Variants in DAB1 observed in about 807,000 individuals in gnomAD.
DAB1 encodes the protein DAB adaptor protein 1.
In DAB1, 15 loss-of-function variants were observed where a neutral mutation model predicts 64.6. The observed-to-expected ratio is 0.23, with a 90% confidence interval of 0.16 to 0.36. DAB1 has a LOEUF of 0.36. DAB1 is among the 10% of genes least tolerant of loss of function. The pLI is 1.00. For missense variants in DAB1, 596 were observed against 706.7 expected (o/e 0.84, Z 1.78); for synonymous variants, 235 against 251.9 (o/e 0.93, Z 0.64).
At chr1:57,159,151 G>A (rs1660505570) in intron 2 of DAB1, among the ~76,000 whole-genome samples, 5 of 151,952 alleles carry the variant, frequency 3.3e-5, no homozygotes, top group Non-Finnish European at 7.4e-5. Flanking sequence ...CTCTGGCAAA[G>A]GTCTACTAGT....
At chr1:57,143,120 C>T (rs1570770518) in intron 3 of DAB1, among the ~76,000 whole-genome samples, 1 of 152,162 alleles carries the variant, frequency 6.6e-6, no homozygotes, top group African/African-American at 2.4e-5. Flanking sequence ...AATTTGCCTG[C>T]TGAAAGACAG....
At chr1:58,431,367 G>A (rs929764769) in intron 3 of DAB1, among the ~76,000 whole-genome samples, 1 of 152,014 alleles carries the variant, frequency 6.6e-6, no homozygotes, top group African/African-American at 2.4e-5. Context: ...AGACCATCCT[G>A]GCCAACATGG....
intron 1 of DAB1, among the ~76,000 whole-genome samples, chr1:57,395,201 T>C (rs1558303947): frequency 6.6e-6 from 1 of 152,112 alleles, no homozygotes; most frequent in Non-Finnish European, 1.5e-5. Context: ...ATTTTTTGTA[T>C]TTTTAGTAGA....
At chr1:57,548,060 C>T (rs982021550) in intron 7 of DAB1, among the ~76,000 whole-genome samples, 1 of 152,090 alleles carries the variant, frequency 6.6e-6, no homozygotes, top group Non-Finnish European at 1.5e-5. Context: ...TATATCATTG[C>T]CTATTATCTG....
chr1:58,119,055 CAGT>C (rs1364913966), intron 5 of DAB1, among the ~76,000 whole-genome samples: 2 of 152,106 alleles, frequency 1.3e-5, no homozygotes, highest in African/African-American at 4.8e-5. Flanking sequence ...TACACTTGTG[CAGT>C]AGATGTTTGC....
At chr1:57,885,382 C>T (rs758469826), upstream of DAB1, among the ~76,000 whole-genome samples, 14 of 152,280 alleles carry the variant, frequency 9.2e-5, no homozygotes, top group Non-Finnish European at 7.4e-5. Context: ...CCTGCAGTCC[C>T]TCGAAGTCCA....
intron 7 of DAB1, among the ~76,000 whole-genome samples, chr1:57,612,230 C>CGT (rs1379248234): frequency 2.7e-5 from 4 of 146,284 alleles, no homozygotes; most frequent in Non-Finnish European, 5.9e-5. Context: ...CATGTGTGTG[C>CGT]GTGTGTGTGT....
chr1:57,163,667 T>C (rs534936166), intron 2 of DAB1, among the ~76,000 whole-genome samples: 3 of 152,074 alleles, frequency 2.0e-5, no homozygotes, highest in East Asian at 3.9e-4. Context: ...CAGGGGCTAA[T>C]AATCCAGATG....
chr1:58,052,197 A>T (rs540003234), intron 5 of DAB1, among the ~76,000 whole-genome samples: 1 of 152,312 alleles, frequency 6.6e-6, no homozygotes, highest in East Asian at 1.9e-4. Context: ...TCAAGTCTTT[A>T]ATCCATCTTG....
chr1:57,224,352 T>C (rs751181433), intron 2 of DAB1, among the ~76,000 whole-genome samples: 54 of 152,188 alleles, frequency 3.5e-4, no homozygotes, highest in Non-Finnish European at 6.6e-4. Flanking sequence ...GATGGAATTA[T>C]GGCCATCCTT....
At chr1:57,985,204 G>A (rs930444713) in intron 5 of DAB1, among the ~76,000 whole-genome samples, 13 of 152,062 alleles carry the variant, frequency 8.5e-5, no homozygotes, top group Admixed American at 6.6e-4. Flanking sequence ...CACCACACCC[G>A]GCCTGCTTTA....
intron 2 of DAB1, among the ~76,000 whole-genome samples, chr1:57,206,542 C>A (rs1665553461): frequency 6.6e-6 from 1 of 152,212 alleles, no homozygotes; most frequent in African/African-American, 2.4e-5. Context: ...GCTGTCTCTT[C>A]CCATTTGTTC....
At chr1:57,961,182 C>T (rs1388598929) in intron 5 of DAB1, among the ~76,000 whole-genome samples, 7 of 151,800 alleles carry the variant, frequency 4.6e-5, no homozygotes, top group Admixed American at 1.3e-4. Context: ...AGGTGAAAAC[C>T]GTGTATACAC....
chr1:57,652,775 A>ATGTT (rs1196062098), intron 6 of DAB1, among the ~76,000 whole-genome samples: 3 of 152,018 alleles, frequency 2.0e-5, no homozygotes, highest in Admixed American at 6.5e-5. Context: ...ATTTTATCTT[A>ATGTT]TGTTTCCACT....
At chr1:57,808,804 T>A (rs1651485219) in intron 6 of DAB1, among the ~76,000 whole-genome samples, 1 of 152,178 alleles carries the variant, frequency 6.6e-6, no homozygotes, top group African/African-American at 2.4e-5. Context: ...GACAAAGAAG[T>A]CATAGAATCA....
chr1:57,365,242 C>A (rs1679888686), intron 1 of DAB1, among the ~76,000 whole-genome samples: 3 of 133,890 alleles, frequency 2.2e-5, no homozygotes, highest in East Asian at 4.2e-4. Context: ...AATATATAAA[C>A]ATATTTATAT....
In DAB1 at chr1:57,136,523, C is replaced by T. The variant is rs758346062; in HGVS notation, c.306+20G>A. 2.2e-6 allele frequency: 3 copies of T among 1,380,206 alleles called. No individual in the cohort carries two copies. The South Asian group carries it at 4.6e-5, about 21-fold the overall frequency. 85.5% of individuals were successfully genotyped at this position (1,380,206 alleles called of 1,614,324 possible). ...GTCAATGGATAAAATTTCACAATGCCATGTGATTGCTTTACTTACCCCTGT... is the reference window on the plus strand; with the variant it reads ...GTCAATGGATAAAATTTCACAATGCTATGTGATTGCTTTACTTACCCCTGT... On this transcript the variant is annotated intron_variant, in intron 4 of 14. Coordinates refer to ENST00000371236, the MANE Select transcript of DAB1 (RefSeq NM_001365792.1).
intron 5 of DAB1, among the ~76,000 whole-genome samples, chr1:58,126,953 T>C (rs1168394322): frequency 2.0e-5 from 3 of 147,966 alleles, no homozygotes; most frequent in African/African-American, 7.5e-5. Context: ...GCATTATTTA[T>C]AGTCATTTGG....
At chr1:57,662,522 T>C (rs1646399783) in intron 6 of DAB1, among the ~76,000 whole-genome samples, 2 of 152,180 alleles carry the variant, frequency 1.3e-5, no homozygotes, top group African/African-American at 2.4e-5. Flanking sequence ...ACTCGTTCAT[T>C]TGGTGCCTGC....
Sources: gnomAD v4.1 joint callset for allele counts (sites outside exome capture counted in the v4.1 genomes callset) on GRCh38, gnomAD v4.1.1 for gene constraint, MANE v1.5 for transcripts, NCBI Gene and HGNC (gene_info 2026-07-23, HGNC 2026-07-21) for gene names.